The following PDCD11 variants were observed in gnomAD, a reference collection of about 807,000 sequenced individuals.
The protein encoded by PDCD11 is programmed cell death 11.
PDCD11 carries 97 observed loss-of-function variants against 198.9 expected under a neutral mutation model. That is an observed-to-expected ratio of 0.49 (90% CI 0.41 to 0.58). The LOEUF is 0.58. PDCD11 is among the 20% of genes least tolerant of loss of function. PDCD11 has a pLI of 0.00. For synonymous variants in PDCD11, 893 were observed against 918.0 expected (o/e 0.97, Z 0.49); for missense variants, 2,102 against 2,312.7 (o/e 0.91, Z 1.87).
chr10:103,438,857 T>G (rs374082460), intron 27 of PDCD11, 49 bp downstream of exon 27: 2 of 1,603,974 alleles, frequency 1.2e-6, no homozygotes, highest in African/African-American at 2.7e-5. Context: ...TCCCTGAGCC[T>G]GTGTTGCTCT....
intron 12 of PDCD11, 66 bp downstream of exon 12, chr10:103,415,217 T>A: frequency 2.6e-6 from 4 of 1,523,806 alleles, no homozygotes; most frequent in Non-Finnish European, 2.7e-6. Flanking sequence ...TCAACTGAAG[T>A]TTCTGCCTTT....
At chr10:103,398,925 A>T (rs2133664868) in intron 2 of PDCD11, among the ~76,000 whole-genome samples, 1 of 152,260 alleles carries the variant, frequency 6.6e-6, no homozygotes, top group Admixed American at 6.5e-5. Flanking sequence ...GAGGCATGAG[A>T]ATTGCTTGAA....
intron 17 of PDCD11, among the ~76,000 whole-genome samples, chr10:103,421,926 C>T (rs1242273566): frequency 7.1e-6 from 1 of 139,882 alleles, no homozygotes; most frequent in East Asian, 2.1e-4. Flanking sequence ...GAGATTGCGT[C>T]ACTGCAGCCC....
intron 8 of PDCD11, 130 bp from the exon 9 acceptor site, chr10:103,412,986 T>G (rs2030891354): frequency 4.4e-6 from 3 of 682,718 alleles, no homozygotes; most frequent in Middle Eastern, 4.0e-4. Context: ...CCAGTTTGAG[T>G]ACTTACATAC....
At position 103,417,831 on chromosome 10, in the gene PDCD11, G is replaced by A. The variant is rs773492000; in HGVS notation, c.1810G>A (p.Glu604Lys). Residue 604 changes from glutamate to lysine, a missense_variant, in exon 14 of 36, where the codon GAG becomes AAG. Transcript: ENST00000369797. ...CGTATTGAACTGTGAGCCATCCAAAGAGAGGATGCTCTTATCCTTCAAGCT... is the reference window on the plus strand; with the variant it reads ...CGTATTGAACTGTGAGCCATCCAAAAAGAGGATGCTCTTATCCTTCAAGCT... ...VVVLNCEPSK[E>K]RMLLSFKLSS... is the part of the protein sequence containing the mutation. 2 of 1,614,188 alleles carry A rather than the reference G, an allele frequency of 1.2e-6. No individual in the cohort carries two copies. Among genetic ancestry groups the A allele is most frequent in the Non-Finnish European group, 1.7e-6 (2 of 1,180,024 alleles).
intron 29 of PDCD11, 31 bp from the exon 30 acceptor site, chr10:103,440,703 C>T: frequency 3.1e-6 from 5 of 1,613,696 alleles, no homozygotes; most frequent in Non-Finnish European, 3.4e-6. Flanking sequence ...CAGGAGGATG[C>T]TCCTAGGCAT....
chr10:103,430,327 T>C (rs1475800234), intron 21 of PDCD11, among the ~76,000 whole-genome samples: 3 of 152,230 alleles, frequency 2.0e-5, no homozygotes, highest in African/African-American at 7.2e-5. Flanking sequence ...AATATTCCAT[T>C]ATAGGTATAT....
rs555309190 is a variant in PDCD11, at chr10:103,445,621, G to A, written c.*72G>A. The A allele has an allele frequency of 7.6e-6, 10 of 1,323,842 alleles. No individual in the cohort carries two copies. Among genetic ancestry groups the A allele is most frequent in the East Asian group, 7.1e-5 (3 of 42,176 alleles). 82.0% of individuals were successfully genotyped at this position (1,323,842 alleles called of 1,614,324 possible). A position where few individuals can be genotyped will look rare whatever the true frequency, so the allele number is the denominator to read the frequency against. ...CCCCGCCTCGAGTGCCTGGGCACTC[G>A]GAAAACTGTTACCTCAGGACTCTAT... On this transcript the variant is annotated 3_prime_UTR_variant, in exon 36 of 36. Coordinates refer to ENST00000369797, the MANE Select transcript of PDCD11 (RefSeq NM_014976.2).
chr10:103,405,282 G>GA (rs2030378615), intron 5 of PDCD11, 99 bp downstream of exon 5: 14 of 1,185,592 alleles, frequency 1.2e-5, no homozygotes, highest in Non-Finnish European at 1.7e-5. Context: ...GCTCAATTGT[G>GA]ACACATAGGA....
rs745954683 is a variant in PDCD11 at position 103,445,729 on chromosome 10, G to A, written c.*180G>A. ...GTTGAGATTTTTTAAATCCCTCTTC[G>A]CTTGCTTTATTTTCAGTACCAACTT... On this transcript the variant is annotated 3_prime_UTR_variant, in exon 36 of 36. Transcript: ENST00000369797. 16 of 578,036 alleles carry A rather than the reference G, an allele frequency of 2.8e-5. 1 individual carries two copies. Among genetic ancestry groups the A allele is most frequent in the Admixed American group, 2.4e-4 (8 of 33,072 alleles). The allele number at this position is 578,036 out of a possible 1,614,324, so 35.8% of individuals were successfully genotyped here. A position where few individuals can be genotyped will look rare whatever the true frequency, so the allele number is the denominator to read the frequency against.
At chr10:103,421,771 T>G (rs2031444011) in intron 17 of PDCD11, among the ~76,000 whole-genome samples, 1 of 151,256 alleles carries the variant, frequency 6.6e-6, no homozygotes, top group Non-Finnish European at 1.5e-5. Flanking sequence ...GAGACCATCC[T>G]GGCTAACAAG....
In PDCD11 at chr10:103,434,970, T is replaced by G; in HGVS notation, c.3840T>G (p.Val1280=). The G allele has an allele frequency of 1.3e-6, 2 of 1,552,764 alleles. No individual in the cohort carries two copies. Among genetic ancestry groups the G allele is most frequent in the Non-Finnish European group, 8.7e-7 (1 of 1,146,878 alleles). ...TPLEDFVPQK[V]VRCYILSTAD... ...TGGAAGACTTCGTCCCCCAGAAGGT[T>G]GTCAGGTAAGCGAAGTGTTCTTCCT... Residue 1280 remains valine (V), a synonymous_variant, in exon 25 of 36, where the codon GTT becomes GTG. Coordinates refer to ENST00000369797, the MANE Select transcript of PDCD11 (RefSeq NM_014976.2).
rs779983296 is a variant in PDCD11, at chr10:103,406,007, G to T, written c.587G>T (p.Ser196Ile). 1.2e-6 allele frequency: 2 copies of T among 1,614,142 alleles called. No homozygotes were observed. Among genetic ancestry groups the T allele is most frequent in the Non-Finnish European group, 1.7e-6 (2 of 1,180,018 alleles). ...CAGCTACTTACAGGTACCGTATCCA[G>T]CCTGGAAGACCATGGCTACCTAGTG... ...PGMLLTGTVSSLEDHGYLVDI... is the reference protein window; with the variant it reads ...PGMLLTGTVSILEDHGYLVDI... The change falls in exon 6 of 36, where the codon AGC becomes ATC. Residue 196 changes from serine (S) to isoleucine (I), a missense_variant. Physicochemically the swap from Ser to Ile is moderately radical, Grantham distance 142. Coordinates refer to ENST00000369797, the MANE Select transcript of PDCD11 (RefSeq NM_014976.2).
intron 32 of PDCD11, 152 bp from the exon 33 acceptor site, chr10:103,443,013 G>A (rs2032454068): frequency 3.5e-6 from 2 of 564,338 alleles, no homozygotes; most frequent in Non-Finnish European, 5.9e-6. Flanking sequence ...CAGGAGCTGT[G>A]GGGACACAGC....
At chr10:103,442,051 G>T in intron 31 of PDCD11, 76 bp downstream of exon 31, 2 of 1,583,338 alleles carry the variant, frequency 1.3e-6, no homozygotes, top group Non-Finnish European at 1.7e-6. Flanking sequence ...TTCCTAGACT[G>T]GGTGTCTTCC....
intron 4 of PDCD11, among the ~76,000 whole-genome samples, chr10:103,403,674 A>C (rs879178399): frequency 1.2e-4 from 19 of 152,210 alleles, no homozygotes; most frequent in Admixed American, 1.1e-3. Context: ...TTCTAGAATC[A>C]ATGGGAAGTC....
At chr10:103,408,948 A>G (rs934215385) in intron 7 of PDCD11, among the ~76,000 whole-genome samples, 7 of 152,222 alleles carry the variant, frequency 4.6e-5, no homozygotes, top group Non-Finnish European at 8.8e-5. Context: ...AGATTTCTCT[A>G]GAAAGGATCT....
At chr10:103,423,265 C>A in intron 18 of PDCD11, 128 bp downstream of exon 18, 1 of 978,536 alleles carries the variant, frequency 1.0e-6, no homozygotes, top group Admixed American at 3.4e-5. Flanking sequence ...TTTGGCATGC[C>A]TATCTTGTGT....
intron 21 of PDCD11, among the ~76,000 whole-genome samples, chr10:103,427,998 A>G (rs2031770652): frequency 6.6e-6 from 1 of 152,180 alleles, no homozygotes; most frequent in African/African-American, 2.4e-5. Context: ...AGAGATTTAC[A>G]GAACGGTCTC....
Sources: allele counts gnomAD v4.1 joint callset (sites outside exome capture counted in the v4.1 genomes callset), GRCh38; gene constraint gnomAD v4.1.1; transcripts MANE v1.5; gene names NCBI Gene and HGNC (gene_info 2026-07-23, HGNC 2026-07-21).